RTN4: variants seen among roughly 807,000 people sequenced by gnomAD.
RTN4 encodes the protein reticulon-4.
A neutral mutation model predicts 90.4 loss-of-function variants in RTN4; 32 were observed. The observed-to-expected ratio is 0.35, with a 90% CI of 0.27 to 0.48. The LOEUF (loss-of-function observed/expected upper bound fraction) is 0.48. Among genes scored for constraint, RTN4 ranks in the 20% least tolerant of loss-of-function variants. The pLI, the probability that RTN4 is intolerant of heterozygous loss-of-function variation, is 0.99. For missense variants in RTN4, 1,706 were observed against 1,430.2 expected (o/e 1.19, Z -3.11); for synonymous variants, 629 against 552.5 (o/e 1.14, Z -1.94).
At chr2:54,988,387 A>G (rs1678743784) in intron 3 of RTN4, among the ~76,000 whole-genome samples, 1 of 152,238 alleles carries the variant, frequency 6.6e-6, no homozygotes, top group Non-Finnish European at 1.5e-5. Context: ...CAATAAATAT[A>G]TTCCAATAAC....
intron 3 of RTN4, among the ~76,000 whole-genome samples, chr2:54,998,233 T>G (rs1679594276): frequency 1.4e-5 from 2 of 142,068 alleles, no homozygotes; most frequent in Non-Finnish European, 3.1e-5. Context: ...GGGGGGCTTT[T>G]TTTGGGAGGG....
chr2:55,119,202 C>T, the RTN4 span, among the ~76,000 whole-genome samples: 3 of 152,160 alleles, frequency 2.0e-5, no homozygotes, highest in Admixed American at 6.5e-5. Flanking sequence ...TTTTTTGAAA[C>T]GTTTTTTTCC....
At chr2:55,010,442 C>G in intron 3 of RTN4, 2 of 940,032 alleles carry the variant, frequency 2.1e-6, no homozygotes, top group Non-Finnish European at 2.7e-6. Context: ...GGGCAGGCTA[C>G]CAAAAGAAAG....
rs901117444 is a variant in RTN4, at chr2:55,072,464, C to T, written c.-63+8025G>A. On this transcript the variant is annotated intron_variant, in intron 2 of 3. Transcript: ENST00000427710. ...CAGGATGGTCTCGATCTCCTGACCTCGTGATCCGCCTGCCTCAGCCTCCCA... is the reference window on the plus strand; with the variant it reads ...CAGGATGGTCTCGATCTCCTGACCTTGTGATCCGCCTGCCTCAGCCTCCCA... Among the ~76,000 whole-genome samples the T allele has an allele frequency of 4.6e-5, 7 of 152,250 alleles. No individual in the cohort carries two copies. In the East Asian group the frequency reaches 9.7e-4, roughly 21 times the overall value.
rs4514919 is a variant in RTN4 at position 55,074,714 on chromosome 2, A to C, written c.-63+5775T>G. ...AGTTTACCAAATCAAATGACATATC[A>C]AGAAGATAATCCACCATGATCAAAT... On this transcript the variant is annotated intron_variant, in intron 2 of 3. Transcript: ENST00000427710. Among the ~76,000 whole-genome samples, 1,357 of 152,294 alleles carry C rather than the reference A, an allele frequency of 8.9e-3. 21 individuals are homozygous for C. The highest frequency in any genetic ancestry group is 0.014 in the Middle Eastern group (4 of 294).
intron 1 of RTN4, among the ~76,000 whole-genome samples, chr2:55,044,878 G>A (rs1489315340): frequency 2.7e-5 from 4 of 149,830 alleles, no homozygotes; most frequent in African/African-American, 7.4e-5. Flanking sequence ...TCCATGAGGA[G>A]TATACTACTT....
chr2:55,113,994 G>A (rs554646977), upstream of RTN4, among the ~76,000 whole-genome samples: 3 of 152,294 alleles, frequency 2.0e-5, no homozygotes, highest in South Asian at 2.1e-4. Context: ...CCCTGAAATG[G>A]CCTCACAAAT....
At chr2:55,011,192 T>A (rs892681639) in intron 3 of RTN4, among the ~76,000 whole-genome samples, 1 of 152,072 alleles carries the variant, frequency 6.6e-6, no homozygotes, top group Admixed American at 6.6e-5. Context: ...GTTAATTTTT[T>A]ATTTTTACAC....
At chr2:55,133,599 A>G in the RTN4 span, among the ~76,000 whole-genome samples, 45 of 152,296 alleles carry the variant, frequency 3.0e-4, no homozygotes, top group Non-Finnish European at 5.6e-4. Context: ...TGAGGTGTCT[A>G]GTCCAATTCC....
chr2:55,051,814 A>G (rs1668095908), upstream of RTN4, among the ~76,000 whole-genome samples: 2 of 152,314 alleles, frequency 1.3e-5, no homozygotes, highest in South Asian at 2.1e-4. Context: ...GTTGAAATTG[A>G]TATTTTGGAT....
At chr2:54,978,238 T>C (rs1306307570) in intron 5 of RTN4, among the ~76,000 whole-genome samples, 1 of 152,148 alleles carries the variant, frequency 6.6e-6, no homozygotes, top group East Asian at 1.9e-4. Flanking sequence ...GAGACCAGTC[T>C]GGCCAACTTG....
Position 55,099,946 on chromosome 2 carries a change from T to C in RTN4, c.-214+12574A>G, listed in dbSNP as rs548119328. ...CCTCATCATTGTTGCCTGCTTACACTGTGGGTCAACTGATATGCAACATGG... is the reference window on the plus strand; with the variant it reads ...CCTCATCATTGTTGCCTGCTTACACCGTGGGTCAACTGATATGCAACATGG... On this transcript the variant is annotated intron_variant, in intron 1 of 3. Coordinates refer to the RTN4 transcript ENST00000427710. 1.2e-3 allele frequency among the ~76,000 whole-genome samples: 187 copies of C among 152,240 alleles called. 2 individuals are homozygous for C. Among genetic ancestry groups the C allele is most frequent in the South Asian group, 3.5e-3 (17 of 4,822 alleles).
intron 3 of RTN4, among the ~76,000 whole-genome samples, chr2:55,015,422 T>C (rs1680961233): frequency 6.6e-6 from 1 of 152,162 alleles, no homozygotes; most frequent in Non-Finnish European, 1.5e-5. Context: ...AAACTGAAAA[T>C]GTCCACTGAA....
Position 55,010,933 on chromosome 2 carries a change from G to C in RTN4, c.3013+14153C>G, listed in dbSNP as rs147090443. 5.6e-4 allele frequency among the ~76,000 whole-genome samples: 86 copies of C among 152,262 alleles called. 1 individual carries two copies. Among genetic ancestry groups the C allele is most frequent in the Admixed American group, 5.0e-3 (77 of 15,294 alleles). The stretch of plus-strand genomic sequence containing the variant: ...TGAATATTTATTAGACACCTCTACA[G>C]ACAGTATTAATAGATTCTTAGCTTG... On this transcript the variant is annotated intron_variant, in intron 3 of 8. Transcript: ENST00000337526.
rs774035997 is a variant in RTN4 at position 55,025,786 on chromosome 2, G to C, written c.2313C>G (p.Leu771=). The C allele has an allele frequency of 6.2e-7, 1 of 1,613,562 alleles. No homozygotes were observed. Among genetic ancestry groups the C allele is most frequent in the Non-Finnish European group, 8.5e-7 (1 of 1,179,812 alleles). The change falls in exon 3 of 9, where the codon CTC becomes CTG. Residue 771 remains leucine, a synonymous_variant. Transcript: ENST00000337526. ...TCATTGACTCAAATGAAGTCTCAGT[G>C]AGACTTTCTTTCACAAGCATCACAG... The part of the protein sequence containing the change: ...DETVMLVKES[L]TETSFESMIE...
chr2:55,030,711 C>A (rs1336445371), intron 1 of RTN4, among the ~76,000 whole-genome samples: 4 of 152,128 alleles, frequency 2.6e-5, no homozygotes, highest in African/African-American at 9.7e-5. Flanking sequence ...AGTCTTTGTG[C>A]TTTATAATTA....
chr2:55,025,573 A>G lies in RTN4; in HGVS notation c.2526T>C (p.Asn842=). Residue 842 remains asparagine, a synonymous_variant, in exon 3 of 9, where the codon AAT becomes AAC. Transcript: ENST00000337526. The stretch of plus-strand genomic sequence containing the variant: ...CTTCCTTAGAAATAAATAAGTCATC[A>G]TTTGAATAAACTGCAGTACTGAGCT... The part of the protein sequence containing the change: ...MEELSTAVYS[N]DDLFISKEAQ... 4 of 1,613,726 alleles carry G rather than the reference A, an allele frequency of 2.5e-6. No individual in the cohort carries two copies. The highest frequency in any genetic ancestry group is 3.4e-6 in the Non-Finnish European group (4 of 1,179,836).
intron 1 of RTN4, among the ~76,000 whole-genome samples, chr2:55,100,559 T>C (rs1310565516): frequency 6.6e-6 from 1 of 152,140 alleles, no homozygotes; most frequent in Non-Finnish European, 1.5e-5. Context: ...GCTGTTTCCT[T>C]GGTGGTCCAT....
At chr2:55,137,334 C>A in the RTN4 span, among the ~76,000 whole-genome samples, 37 of 152,298 alleles carry the variant, frequency 2.4e-4, no homozygotes, top group African/African-American at 7.7e-4. Flanking sequence ...AGGGGGCCAG[C>A]CATGCCGTGC....
Sources: allele counts gnomAD v4.1 joint callset (sites outside exome capture counted in the v4.1 genomes callset), GRCh38; gene constraint gnomAD v4.1.1; transcripts MANE v1.5; gene names NCBI Gene and HGNC (gene_info 2026-07-23, HGNC 2026-07-21).